The following FANCC variants were observed in gnomAD, a reference collection of about 807,000 sequenced individuals.
FANCC encodes Fanconi anemia group C protein.
Under a neutral mutation model 71.3 loss-of-function variants are expected in FANCC, and 55 were observed. The ratio of observed to expected loss-of-function variants is 0.77; its 90% CI spans 0.62 to 0.97. The LOEUF is 0.97. Ranked by LOEUF, FANCC falls within the 50% of genes least tolerant of loss-of-function variation. The probability of loss-of-function intolerance (pLI) is 0.00; values close to 1 mark genes in which losing one functional copy is unlikely to be tolerated. For synonymous variants in FANCC, 275 were observed against 244.9 expected (o/e 1.12, Z -1.15); for missense variants, 678 against 670.9 (o/e 1.01, Z -0.12).
At chr9:95,196,905 T>C (rs182783649) in intron 4 of FANCC, among the ~76,000 whole-genome samples, 2 of 152,304 alleles carry the variant, frequency 1.3e-5, no homozygotes, top group East Asian at 3.9e-4. Context: ...ACACCCCTAG[T>C]CCTAAACCAT....
chr9:95,227,009 A>C (rs770353946), intron 4 of FANCC, among the ~76,000 whole-genome samples: 3 of 152,086 alleles, frequency 2.0e-5, no homozygotes, highest in African/African-American at 7.2e-5. Flanking sequence ...CAGTGCAGCT[A>C]AACTTTTTCC....
intron 4 of FANCC, among the ~76,000 whole-genome samples, chr9:95,187,439 A>C (rs1826797746): frequency 6.6e-6 from 1 of 152,198 alleles, no homozygotes; most frequent in African/African-American, 2.4e-5. Flanking sequence ...TAGGTCTGCC[A>C]CAAATGTATG....
chr9:95,307,049 T>A (rs1835109232), intron 1 of FANCC, among the ~76,000 whole-genome samples: 2 of 152,136 alleles, frequency 1.3e-5, no homozygotes, highest in Admixed American at 6.6e-5. Flanking sequence ...CACGCCTGGA[T>A]AATTTTTGTA....
At chr9:95,193,839 A>G (rs1050696390) in intron 4 of FANCC, among the ~76,000 whole-genome samples, 13 of 152,246 alleles carry the variant, frequency 8.5e-5, no homozygotes. Context: ...GGGAGAACTC[A>G]GAGCTACGGA....
In FANCC at chr9:95,117,389, A is replaced by T; in HGVS notation, c.998T>A (p.Leu333Gln). The change falls in exon 11 of 15, where the codon CTG becomes CAG. Residue 333 changes from leucine (L) to glutamine (Q), a missense_variant and splice_region_variant. By Grantham distance (113) the Leu-to-Gln change is moderately radical. Transcript: ENST00000289081. The stretch of plus-strand genomic sequence containing the variant: ...AAAGTAGGTCTTGAGTGCAAACCGC[A>T]GCTGCCACAGGATGGAAAATCCAAA... ...VEALEKASKQ[L>Q]RFALKTYFPY... 6.2e-7 allele frequency: 1 copy of T among 1,613,242 alleles called. No individual in the cohort carries two copies.
At chr9:95,242,553 C>A (rs1229921589) in intron 3 of FANCC, among the ~76,000 whole-genome samples, 1 of 150,896 alleles carries the variant, frequency 6.6e-6, no homozygotes, top group Non-Finnish European at 1.5e-5. Context: ...AAAGAATACC[C>A]AAAACTGGGA....
chr9:95,309,677 G>C (rs1279500898), intron 1 of FANCC, among the ~76,000 whole-genome samples: 2 of 152,142 alleles, frequency 1.3e-5, no homozygotes, highest in Middle Eastern at 3.2e-3. Flanking sequence ...TTGGTTTCCA[G>C]TAATTGAAAA....
At chr9:95,217,556 A>AT (rs1828951293) in intron 4 of FANCC, among the ~76,000 whole-genome samples, 1 of 150,266 alleles carries the variant, frequency 6.7e-6, no homozygotes, top group African/African-American at 2.4e-5. Flanking sequence ...AAAATTAGTA[A>AT]ATTTTTTTTA....
chr9:95,176,434 A>AG (rs1281645828), intron 4 of FANCC, among the ~76,000 whole-genome samples: 1 of 152,218 alleles, frequency 6.6e-6, no homozygotes, highest in Non-Finnish European at 1.5e-5. Context: ...GCGACCCTGG[A>AG]GGGCCACAGG....
intron 1 of FANCC, among the ~76,000 whole-genome samples, chr9:95,314,574 C>T (rs34637665): frequency 1.3e-5 from 2 of 152,158 alleles, no homozygotes; most frequent in South Asian, 4.2e-4. Context: ...ATCGCTTGAA[C>T]CCGGGAGGCG....
At chr9:95,245,977 G>C (rs1291988210) in intron 3 of FANCC, among the ~76,000 whole-genome samples, 1 of 152,004 alleles carries the variant, frequency 6.6e-6, no homozygotes, top group African/African-American at 2.4e-5. Flanking sequence ...GTGAGTAACT[G>C]CAAGTGCAGA....
intron 4 of FANCC, among the ~76,000 whole-genome samples, chr9:95,186,790 AT>A (rs10671582): frequency 1.6e-3 from 218 of 134,950 alleles, no homozygotes; most frequent in Middle Eastern, 7.7e-3. Flanking sequence ...GGACTGTTGG[AT>A]TTTTTTTTTT....
In FANCC at chr9:95,317,546, T is replaced by A. The variant is rs1835845013; in HGVS notation, c.-99A>T. ...CTTACCGGGTGGTCCTCGCGGGAGC[T>A]GCTTCAGCAGTTTGGGCAGTGGCGG... is the stretch of plus-strand genomic sequence containing the variant. On this transcript the variant is annotated 5_prime_UTR_variant, in exon 1 of 15. Transcript: ENST00000289081. 6.6e-6 allele frequency: 1 copy of A among 152,276 alleles called. No homozygotes were observed. Among genetic ancestry groups the A allele is most frequent in the African/African-American group, 2.4e-5 (1 of 41,458 alleles). The allele number at this position is 152,276 out of a possible 1,614,324, so 9.4% of individuals were successfully genotyped here.
chr9:95,269,580 A>G (rs1832601080), intron 1 of FANCC, among the ~76,000 whole-genome samples: 1 of 152,254 alleles, frequency 6.6e-6, no homozygotes, highest in African/African-American at 2.4e-5. Flanking sequence ...TTAAACATAT[A>G]GAATACAACT....
intron 13 of FANCC, among the ~76,000 whole-genome samples, chr9:95,109,296 A>G (rs1357569608): frequency 6.6e-6 from 1 of 152,212 alleles, no homozygotes; most frequent in Non-Finnish European, 1.5e-5. Flanking sequence ...TAGCCTTACT[A>G]TTGAAAGTTC....
intron 4 of FANCC, among the ~76,000 whole-genome samples, chr9:95,183,023 TTC>T (rs927409751): frequency 3.3e-5 from 5 of 152,234 alleles, no homozygotes; most frequent in African/African-American, 1.2e-4. Flanking sequence ...TCCCCTGCCT[TTC>T]TCTTTCATCC....
chr9:95,150,150 A>G (rs973297086), intron 6 of FANCC, 63 bp from the exon 7 acceptor site: 3 of 1,579,622 alleles, frequency 1.9e-6, no homozygotes, highest in Non-Finnish European at 2.6e-6. Flanking sequence ...AGGACATATA[A>G]AAACCTTCAT....
chr9:95,271,002 T>A (rs187640147), intron 1 of FANCC, among the ~76,000 whole-genome samples: 1 of 152,228 alleles, frequency 6.6e-6, no homozygotes, highest in East Asian at 1.9e-4. Context: ...GTCAGCATAT[T>A]TGAGTGGGAT....
intron 4 of FANCC, chr9:95,186,520 T>C (rs1826722132): frequency 1.3e-5 from 2 of 152,244 alleles, no homozygotes; most frequent in African/African-American, 4.8e-5. Flanking sequence ...ACATTCATCT[T>C]GTCTTTGGGA....
Sources: gnomAD v4.1 joint callset for allele counts (sites outside exome capture counted in the v4.1 genomes callset) on GRCh38, gnomAD v4.1.1 for gene constraint, MANE v1.5 for transcripts, NCBI Gene and HGNC (gene_info 2026-07-23, HGNC 2026-07-21) for gene names.